PARVB: variants seen among roughly 807,000 people sequenced by gnomAD.
PARVB encodes parvin beta, also known as beta-parvin.
A neutral mutation model predicts 47.0 loss-of-function variants in PARVB; 46 were observed. The observed-to-expected ratio is 0.98, with a 90% CI of 0.77 to 1.25. The LOEUF (loss-of-function observed/expected upper bound fraction) is 1.25, where lower values mean the gene tolerates loss of function less well. Among genes scored for constraint, PARVB ranks in the 50% most tolerant of loss-of-function variants. The probability of loss-of-function intolerance (pLI) is 0.00; values close to 1 mark genes in which losing one functional copy is unlikely to be tolerated. For missense variants in PARVB, 473 were observed against 471.6 expected (o/e 1.00, Z -0.03); for synonymous variants, 196 against 196.3 (o/e 1.00, Z 0.01).
intron 4 of PARVB, among the ~76,000 whole-genome samples, chr22:44,121,349 C>A (rs1601636547): frequency 6.6e-6 from 1 of 152,072 alleles, no homozygotes; most frequent in Non-Finnish European, 1.5e-5. Flanking sequence ...GACTCTGGGA[C>A]TTTGTGAACG....
At chr22:44,030,596 A>G (rs1275729602) in intron 1 of PARVB, among the ~76,000 whole-genome samples, 3 of 151,424 alleles carry the variant, frequency 2.0e-5, no homozygotes. Context: ...AACGGCGGGG[A>G]GGCAGGCTGG....
chr22:44,158,675 C>T (rs16991566), intron 11 of PARVB, among the ~76,000 whole-genome samples: 2,813 of 152,330 alleles, frequency 0.018, 90 homozygotes, highest in African/African-American at 0.065. Context: ...CCACGCCACC[C>T]GGTCCCGCTG....
At chr22:44,046,590 C>T (rs1049529492) in intron 1 of PARVB, among the ~76,000 whole-genome samples, 5 of 152,228 alleles carry the variant, frequency 3.3e-5, no homozygotes, top group Admixed American at 1.3e-4. Context: ...GAACACTGCC[C>T]GCTGACAATC....
intron 11 of PARVB, among the ~76,000 whole-genome samples, chr22:44,160,994 G>T (rs903998791): frequency 6.6e-6 from 1 of 152,186 alleles, no homozygotes; most frequent in African/African-American, 2.4e-5. Flanking sequence ...GAAAAGACCG[G>T]TCCAAATTGG....
intron 4 of PARVB, among the ~76,000 whole-genome samples, chr22:44,123,942 A>G (rs888279253): frequency 1.3e-5 from 2 of 152,242 alleles, no homozygotes; most frequent in African/African-American, 4.8e-5. Context: ...GTCAATAAGC[A>G]GGAGTTGTTA....
At position 44,086,918 on chromosome 22, in the gene PARVB, A is replaced by T. The variant is rs2052036884; in HGVS notation, c.113-7010A>T. The T allele has an allele frequency of 3.6e-6, 3 of 825,934 alleles. No homozygotes were observed. In the South Asian group the frequency reaches 1.7e-4, roughly 46 times the overall value. 51.2% of individuals were successfully genotyped at this position (825,934 alleles called of 1,614,324 possible). A position where few individuals can be genotyped will look rare whatever the true frequency, so the allele number is the denominator to read the frequency against. On this transcript the variant is annotated intron_variant, in intron 1 of 12. Transcript: ENST00000338758. ...AGAGATGTCTTTGGGTTCCTGCTTA[A>T]GCCCAAGCGAAGGATCCCGATGCCC...
intron 2 of PARVB, among the ~76,000 whole-genome samples, chr22:44,099,109 G>C (rs1364264080): frequency 6.6e-6 from 1 of 152,190 alleles, no homozygotes; most frequent in Non-Finnish European, 1.5e-5. Context: ...ACTGGCTTCT[G>C]CCTGGAGCCC....
chr22:44,095,236 C>T (rs77167437), intron 2 of PARVB, among the ~76,000 whole-genome samples: 14,654 of 152,034 alleles, frequency 0.096, 733 homozygotes, highest in Middle Eastern at 0.17. Flanking sequence ...AGGGCGGGCA[C>T]GGTGGCTCAC....
intron 11 of PARVB, among the ~76,000 whole-genome samples, chr22:44,163,248 T>TCATTTGA (rs560505502): frequency 1.2e-4 from 19 of 152,142 alleles, no homozygotes; most frequent in Middle Eastern, 6.8e-3. Flanking sequence ...GGCGGGTGGA[T>TCATTTGA]CATTTGAGCC....
upstream of PARVB, chr22:44,024,291 C>G (rs2050691203): frequency 1.0e-6 from 1 of 974,952 alleles, no homozygotes. Context: ...CCGGGGCGAC[C>G]GGGCGGCTCC....
intron 1 of PARVB, among the ~76,000 whole-genome samples, chr22:44,078,633 C>G (rs907715842): frequency 8.5e-5 from 13 of 152,224 alleles, no homozygotes; most frequent in African/African-American, 2.9e-4. Context: ...TGTGAAGTCA[C>G]AGGTTCCTGG....
At chr22:44,042,030 T>C (rs1427655814) in intron 1 of PARVB, among the ~76,000 whole-genome samples, 1 of 152,158 alleles carries the variant, frequency 6.6e-6, no homozygotes, top group Non-Finnish European at 1.5e-5. Flanking sequence ...AGAAGAGGCC[T>C]GGGAAGAGAA....
intron 1 of PARVB, among the ~76,000 whole-genome samples, chr22:44,088,557 C>T (rs1222230817): frequency 6.6e-6 from 1 of 152,138 alleles, no homozygotes; most frequent in Non-Finnish European, 1.5e-5. Flanking sequence ...CTGCAACCTC[C>T]ACCTCCCAGG....
At chr22:44,042,399 TGAC>T (rs2051035976) in intron 1 of PARVB, among the ~76,000 whole-genome samples, 1 of 152,136 alleles carries the variant, frequency 6.6e-6, no homozygotes, top group East Asian at 1.9e-4. Flanking sequence ...CCAGCCTGGG[TGAC>T]AGAGCGAGAC....
At chr22:44,043,275 G>A (rs1312780211) in intron 1 of PARVB, among the ~76,000 whole-genome samples, 4 of 152,186 alleles carry the variant, frequency 2.6e-5, no homozygotes, top group Non-Finnish European at 5.9e-5. Context: ...CATGGGTACA[G>A]GGATTATTTT....
chr22:44,050,586 C>T (rs956406938), intron 1 of PARVB, among the ~76,000 whole-genome samples: 1 of 152,180 alleles, frequency 6.6e-6, no homozygotes, highest in African/African-American at 2.4e-5. Context: ...GATCCTCCCA[C>T]CTCAGCCTCC....
At chr22:44,032,222 C>T (rs1036258406) in intron 1 of PARVB, among the ~76,000 whole-genome samples, 2 of 152,186 alleles carry the variant, frequency 1.3e-5, no homozygotes, top group Non-Finnish European at 2.9e-5. Flanking sequence ...AGAGCCTTCT[C>T]TCTGGTTACA....
At chr22:44,052,063 C>T (rs8135933) in intron 1 of PARVB, among the ~76,000 whole-genome samples, 6,586 of 152,266 alleles carry the variant, frequency 0.043, 468 homozygotes, top group African/African-American at 0.14. Flanking sequence ...GCCTCCAGAA[C>T]TGGGAGAGAA....
At position 44,077,115 on chromosome 22, in the gene PARVB, C is replaced by T. The variant is rs533874644; in HGVS notation, c.113-16813C>T. On this transcript the variant is annotated intron_variant, in intron 1 of 12. Transcript: ENST00000338758. ...TCCTGGGGCCACTGTAACAAAGCAC[C>T]ACAACCTGAGTGGCTTAAACAACAG... Among the ~76,000 whole-genome samples the T allele has an allele frequency of 1.3e-3, 200 of 152,274 alleles. 7 individuals are homozygous for T. The South Asian group carries it at 0.039, about 30-fold the overall frequency.
Sources: gnomAD v4.1 joint callset for allele counts (sites outside exome capture counted in the v4.1 genomes callset) on GRCh38, gnomAD v4.1.1 for gene constraint, MANE v1.5 for transcripts, NCBI Gene and HGNC (gene_info 2026-07-23, HGNC 2026-07-21) for gene names.